HIVEP3: variants seen among roughly 807,000 people sequenced by gnomAD.
HIVEP3 encodes the protein transcription factor HIVEP3.
HIVEP3 carries 49 observed loss-of-function variants against 152.8 expected under a neutral mutation model. That is an observed-to-expected ratio of 0.32 (90% CI 0.26 to 0.41). HIVEP3 has a LOEUF of 0.41. Ranked by LOEUF, HIVEP3 falls within the 10% of genes least tolerant of loss-of-function variation. The pLI is 1.00. For missense variants in HIVEP3, 2,790 were observed against 3,103.3 expected, an observed-to-expected ratio of 0.90 and a Z score of 2.40; for synonymous variants, 1,269 against 1,289.0, an observed-to-expected ratio of 0.98 and a Z score of 0.33.
At chr1:41,764,801 A>G (rs908030703) in intron 1 of HIVEP3, among the ~76,000 whole-genome samples, 2 of 152,182 alleles carry the variant, frequency 1.3e-5, no homozygotes, top group Non-Finnish European at 2.9e-5. Context: ...GAAGTTTTTG[A>G]CAATCCGTCA....
chr1:41,923,645 T>C (rs1644952545), upstream of HIVEP3, among the ~76,000 whole-genome samples: 1 of 152,154 alleles, frequency 6.6e-6, no homozygotes, highest in Non-Finnish European at 1.5e-5. Context: ...GAGAAGATTT[T>C]AAACGTTCTC....
intron 2 of HIVEP3, among the ~76,000 whole-genome samples, chr1:41,663,315 CG>C (rs918309393): frequency 6.6e-6 from 1 of 152,154 alleles, no homozygotes; most frequent in Non-Finnish European, 1.5e-5. Context: ...AGCTGGGGGT[CG>C]GGGGTGTAGA....
intron 1 of HIVEP3, among the ~76,000 whole-genome samples, chr1:41,909,653 A>G (rs1404000032): frequency 1.3e-5 from 2 of 152,134 alleles, no homozygotes; most frequent in African/African-American, 4.8e-5. Flanking sequence ...AGAACACTGC[A>G]TCTAACAATG....
At chr1:42,004,713 T>G (rs1645448606) in intron 1 of HIVEP3, among the ~76,000 whole-genome samples, 1 of 152,196 alleles carries the variant, frequency 6.6e-6, no homozygotes, top group African/African-American at 2.4e-5. Flanking sequence ...GCAGTGGTTC[T>G]CAAAGTATGG....
chr1:41,926,826 C>T (rs1442094106), intron 1 of HIVEP3, among the ~76,000 whole-genome samples: 1 of 152,192 alleles, frequency 6.6e-6, no homozygotes. Context: ...ATCAAAAACC[C>T]TATGGAGTTT....
At chr1:41,943,493 C>A (rs1418633761) in intron 1 of HIVEP3, among the ~76,000 whole-genome samples, 2 of 152,210 alleles carry the variant, frequency 1.3e-5, no homozygotes, top group Non-Finnish European at 2.9e-5. Flanking sequence ...ATTCCTGAGC[C>A]TGAATTCAAT....
intron 1 of HIVEP3, among the ~76,000 whole-genome samples, chr1:42,031,584 G>A (rs919889255): frequency 3.3e-5 from 5 of 152,032 alleles, no homozygotes; most frequent in Admixed American, 1.3e-4. Context: ...AAACACCACC[G>A]CAACTTTTGA....
chr1:41,735,932 A>G (rs187774697), intron 1 of HIVEP3, among the ~76,000 whole-genome samples: 2 of 152,234 alleles, frequency 1.3e-5, no homozygotes, highest in East Asian at 3.9e-4. Context: ...GGAAGAGGAG[A>G]GAAAAAGGCA....
chr1:41,829,195 G>A (rs370892708), intron 1 of HIVEP3, among the ~76,000 whole-genome samples: 7 of 152,182 alleles, frequency 4.6e-5, no homozygotes, highest in African/African-American at 1.2e-4. Flanking sequence ...TACCCACTTC[G>A]ATATGGCATG....
chr1:42,004,586 A>G (rs1248209482), intron 1 of HIVEP3, among the ~76,000 whole-genome samples: 10 of 152,226 alleles, frequency 6.6e-5, no homozygotes, highest in Non-Finnish European at 1.5e-4. Flanking sequence ...GTATGATCAC[A>G]TGAACTCTTC....
chr1:41,901,595 A>G (rs1644624758), intron 1 of HIVEP3, among the ~76,000 whole-genome samples: 1 of 152,176 alleles, frequency 6.6e-6, no homozygotes, highest in Admixed American at 6.5e-5. Flanking sequence ...AGAAAACAAG[A>G]TGCAGAGTTT....
At chr1:41,587,374 C>A (rs1449574451) in intron 3 of HIVEP3, among the ~76,000 whole-genome samples, 1 of 152,164 alleles carries the variant, frequency 6.6e-6, no homozygotes, top group African/African-American at 2.4e-5. Context: ...GGAAGACAGA[C>A]AAATCTCATT....
At chr1:41,952,425 C>CATTA (rs957286718) in intron 1 of HIVEP3, among the ~76,000 whole-genome samples, 9 of 151,186 alleles carry the variant, frequency 6.0e-5, no homozygotes, top group African/African-American at 2.2e-4. Context: ...TTCTTTTGTT[C>CATTA]ATTCATTCAT....
intron 1 of HIVEP3, among the ~76,000 whole-genome samples, chr1:41,912,291 A>G (rs1644808912): frequency 1.3e-5 from 2 of 152,282 alleles, no homozygotes; most frequent in South Asian, 4.1e-4. Context: ...GTTAGTCATA[A>G]TGTTATTCTT....
chr1:41,643,862 C>A (rs1645416308), intron 2 of HIVEP3, among the ~76,000 whole-genome samples: 1 of 144,136 alleles, frequency 6.9e-6, no homozygotes, highest in Non-Finnish European at 1.5e-5. Context: ...CTCACCCCCT[C>A]CCCAAATTGT....
In HIVEP3 at chr1:41,791,121, TACACACACACACACAC is replaced by T. The variant is rs60729364; in HGVS notation, c.-800-90142_-800-90127del. 4.0e-3 allele frequency among the ~76,000 whole-genome samples: 561 copies of T among 140,826 alleles called. 5 individuals are homozygous for T. The highest frequency in any genetic ancestry group is 3.4e-3 in the Non-Finnish European group (221 of 64,488). 92.4% of individuals were successfully genotyped at this position (140,826 alleles called of 152,430 possible). On this transcript the variant is annotated intron_variant, in intron 1 of 8. Coordinates refer to ENST00000372583, the MANE Select transcript of HIVEP3 (RefSeq NM_024503.5). ...TCCCCACAGCACAGGCACACATGTG[TACACACACACACACAC>T]ACACACACACACACACACACACACA...
chr1:41,561,678 A>ATT (rs1644065505), intron 5 of HIVEP3, among the ~76,000 whole-genome samples: 1 of 70,494 alleles, frequency 1.4e-5, no homozygotes, highest in Non-Finnish European at 3.4e-5. Context: ...ATGCCCAGCT[A>ATT]ATTTTTTTTT....
intron 1 of HIVEP3, among the ~76,000 whole-genome samples, chr1:41,755,684 GAAGAGGAT>G (rs1010408358): frequency 2.0e-4 from 30 of 150,864 alleles, no homozygotes; most frequent in African/African-American, 6.6e-4. Context: ...ACACTTCACC[GAAGAGGAT>G]ATACAGATGG....
chr1:41,901,374 AG>A (rs889316966), intron 1 of HIVEP3, among the ~76,000 whole-genome samples: 35 of 152,196 alleles, frequency 2.3e-4, no homozygotes, highest in Admixed American at 2.0e-3. Context: ...GGTCCAGATG[AG>A]ATGCATGGAA....
Sources: allele counts gnomAD v4.1 joint callset (sites outside exome capture counted in the v4.1 genomes callset), GRCh38; gene constraint gnomAD v4.1.1; transcripts MANE v1.5; gene names NCBI Gene and HGNC (gene_info 2026-07-23, HGNC 2026-07-21).